The following LUZP1 variants were observed in gnomAD, a reference collection of about 807,000 sequenced individuals.
LUZP1 encodes the protein filamin mechanobinding actin cross-linking protein.
A neutral mutation model predicts 71.3 loss-of-function variants in LUZP1; 25 were observed. That is an observed-to-expected ratio of 0.35 (90% CI 0.26 to 0.49). LUZP1 has a LOEUF of 0.49. LUZP1 is among the 20% of genes least tolerant of loss of function. LUZP1 has a pLI of 0.99. For missense variants in LUZP1, 1,142 were observed against 1,300.8 expected (o/e 0.88, Z 1.88); for synonymous variants, 481 against 506.4 (o/e 0.95, Z 0.67).
At chr1:23,114,115 T>C in intron 2 of LUZP1, among the ~76,000 whole-genome samples, 1 of 152,152 alleles carries the variant, frequency 6.6e-6, no homozygotes. Flanking sequence ...CTCTGGGTCA[T>C]TCTCAGTCTC....
intron 2 of LUZP1, among the ~76,000 whole-genome samples, chr1:23,147,612 C>A (rs1479595819): frequency 2.0e-4 from 12 of 61,470 alleles, no homozygotes; most frequent in Non-Finnish European, 2.1e-4. Context: ...AGTCTCTACC[C>A]AAAAAAAAAA....
At position 23,088,453 on chromosome 1, in the gene LUZP1, T is replaced by C. The variant is rs183623577; in HGVS notation, c.*442A>G. 4.2e-3 allele frequency: 651 copies of C among 156,562 alleles called. 7 individuals carry two copies. The highest frequency in any genetic ancestry group is 0.015 in the African/African-American group (615 of 41,660). 9.7% of individuals were successfully genotyped at this position (156,562 alleles called of 1,614,324 possible). A position where few individuals can be genotyped will look rare whatever the true frequency, so the allele number is the denominator to read the frequency against. ...AAATCTTATGGGGTACTTGAGCCCA[T>C]TGGGCAAATGAGGAGTGAAGTGGAT... On this transcript the variant is annotated 3_prime_UTR_variant, in exon 5 of 5. Transcript: ENST00000302291.
In LUZP1 at chr1:23,171,097, A is replaced by ATATAT. The variant is rs1553143573; in HGVS notation, c.-484-2074_-484-2073insATATA. 1.2e-3 allele frequency among the ~76,000 whole-genome samples: 173 copies of ATATAT among 139,814 alleles called. 1 individual carries two copies. Among genetic ancestry groups the ATATAT allele is most frequent in the Non-Finnish European group, 1.8e-3 (119 of 65,938 alleles). 91.7% of individuals were successfully genotyped at this position (139,814 alleles called of 152,430 possible). A position where few individuals can be genotyped will look rare whatever the true frequency, so the allele number is the denominator to read the frequency against. ...GATCGAGACCCTGTCTCAAAAAAAA[A>ATATAT]AAATATATATATATATATATAATTA... is the stretch of plus-strand genomic sequence containing the variant. On this transcript the variant is annotated intron_variant, in intron 1 of 4. Transcript: ENST00000302291.
At chr1:23,155,743 G>A (rs1425399484) in intron 2 of LUZP1, among the ~76,000 whole-genome samples, 4 of 152,028 alleles carry the variant, frequency 2.6e-5, no homozygotes, top group African/African-American at 4.8e-5. Flanking sequence ...TTGAACCCGA[G>A]AGCCAAGATC....
chr1:23,170,513 C>A (rs1280347136), intron 1 of LUZP1, among the ~76,000 whole-genome samples: 1 of 140,574 alleles, frequency 7.1e-6, no homozygotes, highest in Non-Finnish European at 1.5e-5. Flanking sequence ...GTCGCCCAGG[C>A]TGGAGTGCAG....
At chr1:23,090,719 A>T (rs1391262459) in intron 4 of LUZP1, 1 of 629,458 alleles carries the variant, frequency 1.6e-6, no homozygotes, top group Non-Finnish European at 2.8e-6. Flanking sequence ...AGAGGCCAGC[A>T]GCCTGTGAAG....
intron 2 of LUZP1, among the ~76,000 whole-genome samples, chr1:23,166,463 C>T (rs6689082): frequency 0.17 from 26,341 of 151,610 alleles, 2,350 homozygotes; most frequent in East Asian, 0.27. Flanking sequence ...GAAACCAACC[C>T]GGCCAACATG....
rs1643876876 is a variant in LUZP1 at position 23,093,659 on chromosome 1, A to G, written c.603T>C (p.Asn201=). Reference sequence around the variant, plus strand: ...ATTTCTCATTTTCTTTCTCCTTTTCATTCAAGTATTTTCTCTCACTTACAA... The same window carrying G: ...ATTTCTCATTTTCTTTCTCCTTTTCGTTCAAGTATTTTCTCTCACTTACAA... Residue 201 remains asparagine (N), a synonymous_variant, in exon 4 of 5, where the codon AAT becomes AAC. Transcript: ENST00000302291. The surrounding 1 kb of genome is among the most constrained non-coding windows in gnomAD (Gnocchi z 4.2). 2 of 1,610,698 alleles carry G rather than the reference A, an allele frequency of 1.2e-6. No homozygotes were observed. Among genetic ancestry groups the G allele is most frequent in the African/African-American group, 2.7e-5 (2 of 74,484 alleles).
chr1:23,153,419 A>G (rs1280644809), intron 2 of LUZP1, among the ~76,000 whole-genome samples: 3 of 152,120 alleles, frequency 2.0e-5, no homozygotes, highest in East Asian at 1.9e-4. Flanking sequence ...CTATCCATCC[A>G]CCACTGAAAA....
chr1:23,175,052 G>A (rs895148234), intron 1 of LUZP1, among the ~76,000 whole-genome samples: 1 of 151,960 alleles, frequency 6.6e-6, no homozygotes, highest in Non-Finnish European at 1.5e-5. Flanking sequence ...GGTCATTATT[G>A]CTAGTATATT....
At chr1:23,139,951 A>G (rs1163250209) in intron 2 of LUZP1, among the ~76,000 whole-genome samples, 2 of 145,238 alleles carry the variant, frequency 1.4e-5, no homozygotes, top group African/African-American at 5.1e-5. Flanking sequence ...TTCTGTCTCA[A>G]GAAAAAAAAA....
At chr1:23,151,515 G>A (rs1644383659) in intron 2 of LUZP1, among the ~76,000 whole-genome samples, 1 of 152,110 alleles carries the variant, frequency 6.6e-6, no homozygotes, top group Non-Finnish European at 1.5e-5. Context: ...AAGGATAGAG[G>A]AGCAGAAAGA....
At chr1:23,170,753 C>T (rs889680055) in intron 1 of LUZP1, among the ~76,000 whole-genome samples, 5 of 152,016 alleles carry the variant, frequency 3.3e-5, no homozygotes, top group Non-Finnish European at 7.4e-5. Context: ...AGACGTGAGC[C>T]ACCACATCAG....
intron 4 of LUZP1, chr1:23,090,770 C>T: frequency 1.5e-6 from 1 of 682,060 alleles, no homozygotes; most frequent in Non-Finnish European, 2.7e-6. Flanking sequence ...TGACCTGGCT[C>T]CCCCTCACTG....
chr1:23,125,985 T>A (rs1207624873), intron 2 of LUZP1, among the ~76,000 whole-genome samples: 2 of 152,208 alleles, frequency 1.3e-5, no homozygotes, highest in African/African-American at 4.8e-5. Context: ...TTTTCAAATC[T>A]TCTGATTAAG....
chr1:23,123,865 G>A (rs534399706), intron 2 of LUZP1, among the ~76,000 whole-genome samples: 8 of 152,200 alleles, frequency 5.3e-5, no homozygotes, highest in African/African-American at 1.9e-4. Flanking sequence ...TTATTCCCAA[G>A]AGTAGTCACT....
chr1:23,108,610 G>C (rs914542390), intron 3 of LUZP1, among the ~76,000 whole-genome samples: 4 of 152,236 alleles, frequency 2.6e-5, no homozygotes, highest in Admixed American at 2.6e-4. Context: ...CAGAAAAAAA[G>C]GAAAGAAAAT....
chr1:23,147,612 C>CAA (rs774893320), intron 2 of LUZP1, among the ~76,000 whole-genome samples: 9,975 of 60,908 alleles, frequency 0.16, 448 homozygotes, highest in East Asian at 0.26. Flanking sequence ...AGTCTCTACC[C>CAA]AAAAAAAAAA....
chr1:23,108,652 G>A (rs1644003622), intron 3 of LUZP1, among the ~76,000 whole-genome samples: 1 of 152,198 alleles, frequency 6.6e-6, no homozygotes, highest in African/African-American at 2.4e-5. Flanking sequence ...TCTACTACTT[G>A]TGTGAACTTG....
Sources: gnomAD v4.1 joint callset for allele counts (sites outside exome capture counted in the v4.1 genomes callset) on GRCh38, gnomAD v4.1.1 for gene constraint, Gnocchi (gnomAD v3.1) non-coding constraint, MANE v1.5 for transcripts, NCBI Gene and HGNC (gene_info 2026-07-23, HGNC 2026-07-21) for gene names.